Variants in PCLO observed in about 807,000 individuals in gnomAD.
The protein encoded by PCLO is protein piccolo.
In PCLO, 82 loss-of-function variants were observed where a neutral mutation model predicts 427.5. The observed-to-expected ratio is 0.19, with a 90% CI of 0.16 to 0.23. The LOEUF is 0.23. PCLO is among the 10% of genes least tolerant of loss of function. PCLO has a pLI of 1.00. For missense variants in PCLO, 6,239 were observed against 6,115.9 expected, an observed-to-expected ratio of 1.02 and a Z score of -0.67; for synonymous variants, 2,357 against 2,155.4, an observed-to-expected ratio of 1.09 and a Z score of -2.59.
In PCLO at chr7:83,134,304, G is replaced by A. The variant is rs373993220; in HGVS notation, c.3246C>T (p.Cys1082=). The A allele has an allele frequency of 8.2e-6, 13 of 1,591,348 alleles. No homozygotes were observed. In the African/African-American group the frequency reaches 1.6e-4, roughly 20 times the overall value. The change falls in exon 3 of 25, where the codon TGC becomes TGT. Residue 1082 remains cysteine (C), a synonymous_variant. Coordinates refer to ENST00000333891, the MANE Select transcript of PCLO (RefSeq NM_033026.6). ...DPPNFNTCTE[C]KNQVCNLCGF... ...CACAGAGATTACACACTTGATTCTT[G>A]CATTCAGTGCAAGTATTGAAGTTAG...
At chr7:83,125,561 G>A (rs1410116718) in intron 3 of PCLO, among the ~76,000 whole-genome samples, 7 of 152,190 alleles carry the variant, frequency 4.6e-5, no homozygotes, top group Non-Finnish European at 8.8e-5. Context: ...TCTGCCTTGG[G>A]ATGCTGTTAA....
At chr7:82,963,058 G>C (rs1795687873) in intron 4 of PCLO, among the ~76,000 whole-genome samples, 1 of 151,800 alleles carries the variant, frequency 6.6e-6, no homozygotes, top group African/African-American at 2.4e-5. Flanking sequence ...TAGATAGCAA[G>C]AAAATAAACA....
intron 9 of PCLO, among the ~76,000 whole-genome samples, chr7:82,900,313 T>C (rs984463968): frequency 2.6e-5 from 4 of 151,606 alleles, no homozygotes; most frequent in African/African-American, 7.2e-5. Flanking sequence ...ACTAAAGAAA[T>C]ACCCCGTTTG....
At chr7:82,956,974 G>C (rs1166514963) in intron 4 of PCLO, 39 bp from the exon 5 acceptor site, 2 of 1,492,886 alleles carry the variant, frequency 1.3e-6, no homozygotes, top group Non-Finnish European at 1.8e-6. Flanking sequence ...ACTTAACATG[G>C]TTAAACTAAA....
intron 10 of PCLO, among the ~76,000 whole-genome samples, chr7:82,855,216 T>C (rs1241250193): frequency 1.3e-5 from 2 of 152,168 alleles, no homozygotes; most frequent in African/African-American, 2.4e-5. Flanking sequence ...CACAACCATT[T>C]TTTAGGCTAA....
intron 22 of PCLO, among the ~76,000 whole-genome samples, chr7:82,775,190 T>C (rs1790724453): frequency 1.3e-5 from 2 of 152,244 alleles, no homozygotes; most frequent in South Asian, 4.1e-4. Context: ...CTTAAGCTGC[T>C]ATAAACATCC....
chr7:82,885,498 T>A (rs1324859413), intron 9 of PCLO, among the ~76,000 whole-genome samples: 1 of 152,166 alleles, frequency 6.6e-6, no homozygotes, highest in Non-Finnish European at 1.5e-5. Flanking sequence ...ATAGTGAATA[T>A]GTGTTGTTTT....
intron 2 of PCLO, among the ~76,000 whole-genome samples, chr7:83,136,659 T>C (rs1791737744): frequency 6.6e-6 from 1 of 152,090 alleles, no homozygotes; most frequent in African/African-American, 2.4e-5. Context: ...AGGGAAAACA[T>C]GGTTTCCTTA....
chr7:83,021,735 TG>T (rs1788348518), intron 3 of PCLO, among the ~76,000 whole-genome samples: 1 of 152,194 alleles, frequency 6.6e-6, no homozygotes, highest in East Asian at 1.9e-4. Context: ...CGTCTAATTC[TG>T]GGGAAGGTTC....
intron 3 of PCLO, among the ~76,000 whole-genome samples, chr7:83,067,797 T>C (rs1342073513): frequency 6.6e-6 from 1 of 152,208 alleles, no homozygotes; most frequent in Non-Finnish European, 1.5e-5. Flanking sequence ...CAATAGGAAG[T>C]TGGTGTATCA....
chr7:82,967,337 G>A (rs1044913013), intron 3 of PCLO, among the ~76,000 whole-genome samples: 3 of 151,356 alleles, frequency 2.0e-5, no homozygotes, highest in Non-Finnish European at 4.4e-5. Context: ...ACCCATGCCC[G>A]GCTAATTTTT....
intron 6 of PCLO, among the ~76,000 whole-genome samples, chr7:82,946,245 C>T (rs1352359419): frequency 1.3e-5 from 2 of 152,016 alleles, no homozygotes; most frequent in Non-Finnish European, 2.9e-5. Context: ...AAATCTTTTC[C>T]CATTCCTTCT....
chr7:82,977,420 ATTTATTTT>A (rs1363161877), intron 3 of PCLO, among the ~76,000 whole-genome samples: 1 of 105,078 alleles, frequency 9.5e-6, no homozygotes, highest in Non-Finnish European at 2.2e-5. Flanking sequence ...TTATTTATTT[ATTTATTTT>A]TGGAGATGGA....
Position 83,155,754 on chromosome 7 carries a change from G to T in PCLO, c.887C>A (p.Pro296His), listed in dbSNP as rs1402765191. 1 of 1,613,936 alleles carries T rather than the reference G, an allele frequency of 6.2e-7. No homozygotes were observed. The highest frequency in any genetic ancestry group is 1.1e-5 in the South Asian group (1 of 91,082). ...ADIVRGESVK[P>H]SLPSPSKPPI... The stretch of plus-strand genomic sequence containing the variant: ...TGGTTTGGATGGGCTTGGCAGTGAG[G>T]GTTTAACTGATTCTCCCCTTACTAT... Residue 296 changes from proline (P) to histidine (H), a missense_variant, in exon 2 of 25, where the codon CCC becomes CAC. This residue lies in a region of PCLO where 4,677 missense variants were observed against 4,468.4 expected (regional missense o/e 1.05). Coordinates refer to ENST00000333891, the MANE Select transcript of PCLO (RefSeq NM_033026.6).
chr7:82,864,799 T>C (rs908970281), intron 10 of PCLO, among the ~76,000 whole-genome samples: 20 of 152,084 alleles, frequency 1.3e-4, no homozygotes, highest in African/African-American at 4.8e-4. Flanking sequence ...GCCCGGAGAA[T>C]GGTTAAGATT....
chr7:83,038,005 A>ATATATATATATATT (rs1788843031), intron 3 of PCLO, among the ~76,000 whole-genome samples: 1 of 39,806 alleles, frequency 2.5e-5, no homozygotes, highest in African/African-American at 1.7e-4. Flanking sequence ...ATATATATAT[A>ATATATATATATATT]TATATATATA....
chr7:83,088,010 G>C (rs1478589218), intron 3 of PCLO, among the ~76,000 whole-genome samples: 3 of 152,044 alleles, frequency 2.0e-5, no homozygotes, highest in African/African-American at 7.2e-5. Context: ...TCGATAAAAT[G>C]TAATCAGATT....
chr7:82,800,359 T>C (rs867927225), intron 22 of PCLO, among the ~76,000 whole-genome samples: 2 of 152,150 alleles, frequency 1.3e-5, no homozygotes, highest in South Asian at 2.1e-4. Flanking sequence ...AACACACCCA[T>C]TATCATGGTA....
chr7:82,895,338 T>C (rs1488613580), intron 9 of PCLO, among the ~76,000 whole-genome samples: 14 of 151,746 alleles, frequency 9.2e-5, no homozygotes, highest in Non-Finnish European at 1.9e-4. Flanking sequence ...TAAAGGAAAA[T>C]ACATAGTTTT....
Sources: gnomAD v4.1 joint callset for allele counts (sites outside exome capture counted in the v4.1 genomes callset) on GRCh38, gnomAD v4.1.1 for gene constraint, gnomAD v4.1.1 regional missense constraint, MANE v1.5 for transcripts, NCBI Gene and HGNC (gene_info 2026-07-23, HGNC 2026-07-21) for gene names.